The following TMPRSS2 variants were observed in gnomAD, a reference collection of about 807,000 sequenced individuals.
TMPRSS2 encodes transmembrane protease serine 2.
Under a neutral mutation model 67.4 loss-of-function variants are expected in TMPRSS2, and 59 were observed. The ratio of observed to expected loss-of-function variants is 0.88; its 90% CI spans 0.71 to 1.09. The LOEUF is 1.09. TMPRSS2 is among the 50% of genes least tolerant of loss of function. The pLI is 0.00. For missense variants in TMPRSS2, 668 were observed against 642.7 expected (o/e 1.04, Z -0.43); for synonymous variants, 257 against 257.0 (o/e 1.00, Z 0.00).
chr21:41,483,502 G>A (rs957187254), intron 5 of TMPRSS2, among the ~76,000 whole-genome samples: 4 of 151,818 alleles, frequency 2.6e-5, no homozygotes, highest in Non-Finnish European at 5.9e-5. Context: ...GGCTGGTCTC[G>A]AACTCCTGAC....
chr21:41,479,796 A>G (rs553747026), intron 6 of TMPRSS2, among the ~76,000 whole-genome samples: 6 of 152,138 alleles, frequency 3.9e-5, no homozygotes, highest in South Asian at 2.1e-4. Flanking sequence ...CTCCCATGGA[A>G]AACAAAGTGG....
intron 5 of TMPRSS2, among the ~76,000 whole-genome samples, chr21:41,488,182 G>A (rs528451616): frequency 5.7e-4 from 87 of 152,258 alleles, no homozygotes; most frequent in South Asian, 3.5e-3. Context: ...CACAGTCCTC[G>A]GTGGCCCTGT....
rs1270897460 is a variant in TMPRSS2, at chr21:41,468,237, A to C, written c.1314+159T>G. 3 of 859,514 alleles carry C rather than the reference A, an allele frequency of 3.5e-6. No homozygotes were observed. In the African/African-American group the frequency reaches 5.1e-5, roughly 15 times the overall value. The allele number at this position is 859,514 out of a possible 1,614,324, so 53.2% of individuals were successfully genotyped here. ...TGACTGTACTTCCTTCTGCCACCAG[A>C]AGCGTTCGCACTGTTTGTGGCCGTC... On this transcript the variant is annotated intron_variant, in intron 12 of 13. Coordinates refer to ENST00000332149, the MANE Select transcript of TMPRSS2 (RefSeq NM_005656.4).
At position 41,473,446 on chromosome 21, in the gene TMPRSS2, C is replaced by G; in HGVS notation, c.778G>C (p.Glu260Gln). The change falls in exon 9 of 14, where the codon GAG becomes CAG. Residue 260 changes from glutamate to glutamine, a missense_variant. Glu to Gln is a conservative substitution (Grantham distance 29, BLOSUM62 2). Coordinates refer to ENST00000332149, the MANE Select transcript of TMPRSS2 (RefSeq NM_005656.4). ...GGCCAGGCCCCCGGGAGCGCGCTCT[C>G]GCCGCCCACAATCCTGCTCTGGCGG... ...SSRQSRIVGG[E>Q]SALPGAWPWQ... is the part of the protein sequence containing the mutation. 6.2e-7 allele frequency: 1 copy of G among 1,610,220 alleles called. No homozygotes were observed. Among genetic ancestry groups the G allele is most frequent in the Admixed American group, 1.7e-5 (1 of 59,782 alleles).
rs140530035 is a variant in TMPRSS2 at position 41,476,633 on chromosome 21, CAG to C, written c.684-15_684-14del. The C allele has an allele frequency of 0.95, 1,534,805 of 1,612,828 alleles. 736,520 individuals carry two copies. Among genetic ancestry groups the C allele is most frequent in the Non-Finnish European group, 0.99 (1,162,237 of 1,179,588 alleles). On this transcript the variant is annotated splice_polypyrimidine_tract_variant and intron_variant, in intron 7 of 13. Coordinates refer to ENST00000332149, the MANE Select transcript of TMPRSS2 (RefSeq NM_005656.4). ...AGAACAGGCATCACTGCAAAAAGAA[CAG>C]GGGAAATTCTGGTCACGATAGTGCG...
chr21:41,475,453 GGGGTGAGTGAGGGGGTGA>G, intron 8 of TMPRSS2, among the ~76,000 whole-genome samples: 1 of 65,192 alleles, frequency 1.5e-5, no homozygotes. Flanking sequence ...AGGGGGTGCA[GGGGTGAGTGAGGGGGTGA>G]GGGGTGAATG....
At chr21:41,472,471 G>A (rs1490417886) in intron 9 of TMPRSS2, among the ~76,000 whole-genome samples, 1 of 152,102 alleles carries the variant, frequency 6.6e-6, no homozygotes, top group East Asian at 1.9e-4. Context: ...TGAAGAGGGG[G>A]AGAGAAGGGA....
intron 10 of TMPRSS2, among the ~76,000 whole-genome samples, chr21:41,471,151 T>C (rs375719922): frequency 1.3e-5 from 2 of 152,232 alleles, no homozygotes; most frequent in East Asian, 3.9e-4. Flanking sequence ...CATTTCCCAA[T>C]GTGAATACAG....
At chr21:41,472,062 G>A in intron 9 of TMPRSS2, 81 bp from the exon 10 acceptor site, 2 of 1,375,386 alleles carry the variant, frequency 1.5e-6, no homozygotes, top group South Asian at 1.5e-5. Context: ...TCAGAAGCTG[G>A]AGGCAAGACA....
chr21:41,479,382 G>T, intron 6 of TMPRSS2, 100 bp from the exon 7 acceptor site: 1 of 867,390 alleles, frequency 1.2e-6, no homozygotes, highest in Non-Finnish European at 1.8e-6. Flanking sequence ...CAGAATAAGA[G>T]GGAAAAACCT....
chr21:41,480,420 T>G (rs2091247756), intron 6 of TMPRSS2, 56 bp downstream of exon 6: 6 of 1,596,928 alleles, frequency 3.8e-6, no homozygotes, highest in African/African-American at 1.3e-5. Context: ...AGAGAGGGTC[T>G]TCTCGTGTTT....
At chr21:41,497,651 G>A (rs982056759) in intron 2 of TMPRSS2, among the ~76,000 whole-genome samples, 1 of 152,230 alleles carries the variant, frequency 6.6e-6, no homozygotes, top group African/African-American at 2.4e-5. Context: ...TTACAATGGG[G>A]AGCAGAGATT....
At chr21:41,467,979 T>G (rs1051610009) in intron 12 of TMPRSS2, 93 bp from the exon 13 acceptor site, 11 of 1,446,994 alleles carry the variant, frequency 7.6e-6, no homozygotes, top group African/African-American at 1.4e-5. Context: ...GGGGCGGGGG[T>G]CGCAGTGTGA....
chr21:41,471,075 T>C (rs770109589), intron 10 of TMPRSS2, among the ~76,000 whole-genome samples: 6 of 152,222 alleles, frequency 3.9e-5, no homozygotes, highest in Non-Finnish European at 5.9e-5. Context: ...ATGGAGTCAA[T>C]GGAGTCAGCT....
intron 8 of TMPRSS2, 147 bp from the exon 9 acceptor site, chr21:41,473,643 G>T (rs1203282043): frequency 2.2e-6 from 2 of 910,790 alleles, no homozygotes; most frequent in Non-Finnish European, 3.3e-6. Flanking sequence ...GCTCCTGGGG[G>T]TCTCCTCTTG....
Position 41,466,060 on chromosome 21 carries a change from T to C in TMPRSS2, c.*82A>G. Reference sequence around the variant, plus strand: ...AATGAAGTGACCTCTGAATCATCTCTAAGAGTAAATCATGCACGGGGAAGC... The same window carrying C: ...AATGAAGTGACCTCTGAATCATCTCCAAGAGTAAATCATGCACGGGGAAGC... On this transcript the variant is annotated 3_prime_UTR_variant, in exon 14 of 14. Transcript: ENST00000332149. The C allele has an allele frequency of 4.6e-6, 7 of 1,520,858 alleles. No homozygotes were observed. The South Asian group carries it at 8.0e-5, about 17-fold the overall frequency. The allele number at this position is 1,520,858 out of a possible 1,614,324, so 94.2% of individuals were successfully genotyped here.
rs761195761 is a variant in TMPRSS2, at chr21:41,489,554, G to A, written c.278C>T (p.Thr93Ile). Residue 93 changes from threonine to isoleucine, a missense_variant, in exon 4 of 14, where the codon ACC becomes ATC. Thr to Ile is a moderately conservative substitution (Grantham distance 89). Transcript: ENST00000332149. Reference protein sequence around the residue: ...KALCITLTLGTFLVGAALAAG... With the variant: ...KALCITLTLGIFLVGAALAAG... ...GGCCAGCGCAGCTCCCACGAGGAAG[G>A]TCCCCAGGGTCAAGGTGATGCACAG... 8 of 1,614,022 alleles carry A rather than the reference G, an allele frequency of 5.0e-6. No individual in the cohort carries two copies. In the South Asian group the frequency reaches 5.5e-5, roughly 11 times the overall value.
chr21:41,498,091 G>C, intron 2 of TMPRSS2, 28 bp downstream of exon 2: 1 of 1,537,772 alleles, frequency 6.5e-7, no homozygotes, highest in South Asian at 1.1e-5. Context: ...CAAAGAAAAG[G>C]CCAGGAAGGT....
At position 41,471,920 on chromosome 21, in the gene TMPRSS2, A is replaced by G; in HGVS notation, c.961T>C (p.Phe321Leu). The G allele has an allele frequency of 6.2e-7, 1 of 1,613,480 alleles. No homozygotes were observed. Among genetic ancestry groups the G allele is most frequent in the Non-Finnish European group, 8.5e-7 (1 of 1,179,836 alleles). The change falls in exon 10 of 14, where the codon TTC (phenylalanine) becomes CTC (leucine). Residue 321 changes from phenylalanine to leucine, a missense_variant. Coordinates refer to ENST00000332149, the MANE Select transcript of TMPRSS2 (RefSeq NM_005656.4). ...FAGILRQSFM[F>L]YGAGYQVEKV... is the part of the protein sequence containing the mutation. ...TCTACTTGGTATCCGGCTCCATAGAACATGAAAGATTGTCTCAAAATCCCC... is the reference window on the plus strand; with the variant it reads ...TCTACTTGGTATCCGGCTCCATAGAGCATGAAAGATTGTCTCAAAATCCCC...
Sources: allele counts gnomAD v4.1 joint callset (sites outside exome capture counted in the v4.1 genomes callset), GRCh38; gene constraint gnomAD v4.1.1; transcripts MANE v1.5; gene names NCBI Gene and HGNC (gene_info 2026-07-23, HGNC 2026-07-21).